TNS3: variants seen among roughly 807,000 people sequenced by gnomAD.
TNS3 encodes the protein tensin 3.
Under a neutral mutation model 140.9 loss-of-function variants are expected in TNS3, and 45 were observed. That is an observed-to-expected ratio of 0.32 (90% CI 0.25 to 0.41). The LOEUF is 0.41. TNS3 is among the 10% of genes least tolerant of loss of function. The pLI, the probability that TNS3 is intolerant of heterozygous loss-of-function variation, is 1.00. For synonymous variants in TNS3, 815 were observed against 788.4 expected (o/e 1.03, Z -0.56); for missense variants, 1,716 against 1,906.7 (o/e 0.90, Z 1.86).
chr7:47,554,999 G>A (rs1048136128), intron 1 of TNS3, among the ~76,000 whole-genome samples: 2 of 151,974 alleles, frequency 1.3e-5, no homozygotes, highest in African/African-American at 4.8e-5. Flanking sequence ...CTGCACTCCA[G>A]CCTGGCAACA....
chr7:47,395,545 C>T (rs543271556), intron 16 of TNS3, among the ~76,000 whole-genome samples: 1 of 152,332 alleles, frequency 6.6e-6, no homozygotes, highest in East Asian at 1.9e-4. Context: ...ATTCTCACAG[C>T]TTTAAGATTC....
intron 4 of TNS3, among the ~76,000 whole-genome samples, chr7:47,449,231 C>A (rs1191054352): frequency 6.6e-6 from 1 of 152,214 alleles, no homozygotes; most frequent in Non-Finnish European, 1.5e-5. Context: ...TGCAGCAAAC[C>A]AAGCCTATGT....
chr7:47,450,112 A>G (rs1795947559), intron 4 of TNS3, among the ~76,000 whole-genome samples: 2 of 152,200 alleles, frequency 1.3e-5, no homozygotes, highest in South Asian at 4.1e-4. Context: ...GAAGAAACGA[A>G]CCACTAATCC....
At chr7:47,425,208 T>G (rs1322424414) in intron 9 of TNS3, among the ~76,000 whole-genome samples, 2 of 152,010 alleles carry the variant, frequency 1.3e-5, no homozygotes, top group Non-Finnish European at 2.9e-5. Context: ...TCCCAGCTAC[T>G]TGGGAGGCTG....
intron 16 of TNS3, among the ~76,000 whole-genome samples, chr7:47,377,378 C>A (rs1008646861): frequency 2.6e-5 from 4 of 152,164 alleles, no homozygotes; most frequent in Non-Finnish European, 4.4e-5. Flanking sequence ...TACGACTCCA[C>A]ATAGGTGACA....
chr7:47,461,597 G>A (rs1426566451), intron 4 of TNS3, among the ~76,000 whole-genome samples: 1 of 152,224 alleles, frequency 6.6e-6, no homozygotes, highest in African/African-American at 2.4e-5. Flanking sequence ...CCCACTGCAT[G>A]CCTGAAGCCA....
intron 3 of TNS3, among the ~76,000 whole-genome samples, chr7:47,489,312 C>G (rs1439294339): frequency 6.6e-6 from 1 of 152,186 alleles, no homozygotes; most frequent in African/African-American, 2.4e-5. Flanking sequence ...GTCTGTGGCA[C>G]AGTAAAATGA....
At chr7:47,504,782 G>A (rs1393845081) in intron 3 of TNS3, among the ~76,000 whole-genome samples, 2 of 152,080 alleles carry the variant, frequency 1.3e-5, no homozygotes, top group Admixed American at 6.5e-5. Context: ...TTATATTTTT[G>A]GAATGAGAAG....
At chr7:47,392,666 C>T (rs576593679) in intron 16 of TNS3, among the ~76,000 whole-genome samples, 31 of 152,238 alleles carry the variant, frequency 2.0e-4, no homozygotes, top group Non-Finnish European at 4.0e-4. Context: ...CGCCAGGCGG[C>T]GTCCAGTCCA....
At chr7:47,453,333 G>A in intron 4 of TNS3, 3 of 826,828 alleles carry the variant, frequency 3.6e-6, no homozygotes, top group Non-Finnish European at 4.4e-6. Flanking sequence ...CCTTCCTGGG[G>A]ACTAGCCACT....
intron 4 of TNS3, among the ~76,000 whole-genome samples, chr7:47,456,531 G>C (rs1468523963): frequency 6.6e-6 from 1 of 152,118 alleles, no homozygotes; most frequent in Non-Finnish European, 1.5e-5. Context: ...TGCTCAACAC[G>C]TGCCAGCTTT....
chr7:47,411,308 G>A (rs1208286895), intron 13 of TNS3, among the ~76,000 whole-genome samples: 1 of 152,248 alleles, frequency 6.6e-6, no homozygotes, highest in African/African-American at 2.4e-5. Flanking sequence ...TTTGGCACCA[G>A]GGACTGGTTT....
At chr7:47,547,761 G>A (rs1799960943) in intron 1 of TNS3, among the ~76,000 whole-genome samples, 1 of 152,206 alleles carries the variant, frequency 6.6e-6, no homozygotes, top group South Asian at 2.1e-4. Flanking sequence ...AACACGCACA[G>A]GAGCTAAAGC....
At chr7:47,547,412 C>CTGCTGAAAT (rs530339085) in intron 1 of TNS3, among the ~76,000 whole-genome samples, 3 of 152,150 alleles carry the variant, frequency 2.0e-5, no homozygotes, top group Non-Finnish European at 4.4e-5. Flanking sequence ...AGGCATGCTT[C>CTGCTGAAAT]TGCTGAAATT....
At chr7:47,564,700 C>CAT (rs59961931) in intron 1 of TNS3, among the ~76,000 whole-genome samples, 82,278 of 142,126 alleles carry the variant, frequency 0.58, 23,946 homozygotes, top group Middle Eastern at 0.65. Context: ...AAAATTTATT[C>CAT]ATATATATAT....
chr7:47,547,495 G>A (rs865942504), intron 1 of TNS3, among the ~76,000 whole-genome samples: 10 of 152,060 alleles, frequency 6.6e-5, no homozygotes, highest in African/African-American at 9.7e-5. Flanking sequence ...ATGGGGTTCC[G>A]GGAGCTGCTC....
chr7:47,465,911 C>A (rs1429739858), intron 4 of TNS3, among the ~76,000 whole-genome samples: 1 of 147,768 alleles, frequency 6.8e-6, no homozygotes, highest in East Asian at 2.0e-4. Context: ...GCAACAAGAG[C>A]GAAACTCCGT....
intron 20 of TNS3, 114 bp downstream of exon 20, chr7:47,344,641 G>A: frequency 1.0e-6 from 1 of 982,764 alleles, no homozygotes. Context: ...AGGCTTCTGA[G>A]ATACGACACA....
intron 27 of TNS3, among the ~76,000 whole-genome samples, chr7:47,286,280 A>T (rs1438117070): frequency 6.6e-6 from 1 of 152,178 alleles, no homozygotes; most frequent in Non-Finnish European, 1.5e-5. Flanking sequence ...GTTTGGTAGC[A>T]ATCTGCTGTT....
Sources: gnomAD v4.1 joint callset for allele counts (sites outside exome capture counted in the v4.1 genomes callset) on GRCh38, gnomAD v4.1.1 for gene constraint, MANE v1.5 for transcripts, NCBI Gene and HGNC (gene_info 2026-07-23, HGNC 2026-07-21) for gene names.